LRRD1: variants seen among roughly 807,000 people sequenced by gnomAD.
LRRD1 encodes leucine-rich repeat and death domain-containing protein 1.
Under a neutral mutation model 69.5 loss-of-function variants are expected in LRRD1, and 49 were observed. The ratio of observed to expected loss-of-function variants is 0.70; its 90% CI spans 0.56 to 0.89. LRRD1 has a LOEUF of 0.89. Ranked by LOEUF, LRRD1 falls within the 40% of genes least tolerant of loss-of-function variation. LRRD1 has a pLI of 0.00. For missense variants in LRRD1, 853 were observed against 956.0 expected, an observed-to-expected ratio of 0.89 and a Z score of 1.42; for synonymous variants, 303 against 338.9, an observed-to-expected ratio of 0.89 and a Z score of 1.16.
chr7:92,142,653 A>C, downstream of LRRD1: 1 of 408,950 alleles, frequency 2.4e-6, no homozygotes, highest in South Asian at 1.8e-5. Context: ...GTTCCTTCTG[A>C]TGTTCGGATG....
In LRRD1 at chr7:92,163,474, TAC is replaced by T; in HGVS notation, c.1727_1728del (p.Cys576TyrfsTer9). On this transcript the variant is annotated frameshift_variant, in exon 2 of 6. Transcript: ENST00000458448. LOFTEE classifies it high-confidence loss of function. ...TCAAGTACTTGCAAATTTTCTAAAG[TAC>T]ACAATTCTCTAGGGAAAGTTTCAAA... Reference protein sequence around the residue: ...NKFETFPRELCTLENLQVLDL... With the variant: ...NKFETFPRELXTLENLQVLDL... The T allele has an allele frequency of 6.5e-7, 1 of 1,537,426 alleles. No individual in the cohort carries two copies. Among genetic ancestry groups the T allele is most frequent in the Non-Finnish European group, 8.8e-7 (1 of 1,141,852 alleles).
At chr7:92,153,758 G>A (rs1340992144) in intron 3 of LRRD1, among the ~76,000 whole-genome samples, 1 of 151,580 alleles carries the variant, frequency 6.6e-6, no homozygotes, top group Non-Finnish European at 1.5e-5. Flanking sequence ...AGAGGCAGAA[G>A]CTGCAGTGAG....
At chr7:92,172,836 A>T (rs966168867) in intron 1 of LRRD1, among the ~76,000 whole-genome samples, 2 of 152,186 alleles carry the variant, frequency 1.3e-5, no homozygotes, top group Non-Finnish European at 2.9e-5. Flanking sequence ...AAGGAAAAAA[A>T]AATCCAATCC....
chr7:92,149,306 A>T (rs563593154), intron 4 of LRRD1, among the ~76,000 whole-genome samples: 1 of 152,366 alleles, frequency 6.6e-6, no homozygotes, highest in East Asian at 1.9e-4. Context: ...TGATAGAATG[A>T]TCTGAAGGGA....
intron 1 of LRRD1, among the ~76,000 whole-genome samples, chr7:92,168,033 A>G (rs1788959937): frequency 6.6e-6 from 1 of 152,020 alleles, no homozygotes; most frequent in Non-Finnish European, 1.5e-5. Context: ...CCTCCCACCA[A>G]CAGAAGCCAA....
intron 4 of LRRD1, chr7:92,150,029 C>A: frequency 2.6e-6 from 1 of 381,842 alleles, no homozygotes; most frequent in Non-Finnish European, 5.4e-6. Context: ...TTCAGTGCCT[C>A]AATTTGTGTG....
intron 4 of LRRD1, among the ~76,000 whole-genome samples, chr7:92,148,816 C>T (rs905812170): frequency 9.9e-5 from 15 of 151,754 alleles, no homozygotes; most frequent in South Asian, 4.2e-4. Flanking sequence ...GGTGTGATCT[C>T]GGCTCACTGC....
intron 5 of LRRD1, 66 bp from the exon 6 acceptor site, chr7:92,145,140 T>TGACAATTCA: frequency 9.4e-6 from 8 of 848,878 alleles, no homozygotes; most frequent in Non-Finnish European, 1.3e-5. Context: ...TTTAAATTAC[T>TGACAATTCA]GATAATTATC....
At chr7:92,150,398 G>C in intron 4 of LRRD1, 136 bp downstream of exon 4, 20 of 672,724 alleles carry the variant, frequency 3.0e-5, no homozygotes, top group Non-Finnish European at 4.0e-5. Context: ...CCAGGAGTCC[G>C]AGGCTGCAGT....
rs773405791 is a variant in LRRD1 at position 92,163,459 on chromosome 7, G to A, written c.1744C>T (p.Gln582Ter). 3.9e-6 allele frequency: 6 copies of A among 1,541,398 alleles called. No homozygotes were observed. The highest frequency in any genetic ancestry group is 5.2e-6 in the Non-Finnish European group (6 of 1,143,604). Residue 582 changes from glutamine to a stop codon, truncating the protein, a stop_gained, in exon 2 of 6, where the codon CAA (glutamine) becomes TAA (stop). Coordinates refer to ENST00000458448, the MANE Select transcript of LRRD1 (RefSeq NM_001161528.2). LOFTEE classifies it high-confidence loss of function. ...TGGTTTTCCGAAAGATCAAGTACTT[G>A]CAAATTTTCTAAAGTACACAATTCT... Reference protein sequence around the residue: ...PRELCTLENLQVLDLSENQLQ... With the variant: ...PRELCTLENL
At chr7:92,170,770 A>C (rs1789040485) in intron 1 of LRRD1, among the ~76,000 whole-genome samples, 1 of 152,254 alleles carries the variant, frequency 6.6e-6, no homozygotes, top group Admixed American at 6.5e-5. Context: ...CACTTGGGAC[A>C]TCCCACAGAA....
intron 2 of LRRD1, among the ~76,000 whole-genome samples, chr7:92,160,354 A>G (rs1788770807): frequency 6.6e-6 from 1 of 152,164 alleles, no homozygotes; most frequent in Admixed American, 6.5e-5. Flanking sequence ...TATTTTAGGG[A>G]ACAGAATATA....
At chr7:92,158,895 A>T in intron 3 of LRRD1, 110 bp downstream of exon 3, 1 of 818,138 alleles carries the variant, frequency 1.2e-6, no homozygotes, top group Non-Finnish European at 1.9e-6. Context: ...ATGGTGACTT[A>T]ATACCTTATG....
At position 92,159,073 on chromosome 7, in the gene LRRD1, T is replaced by C. The variant is rs1217843564; in HGVS notation, c.2048A>G (p.Asn683Ser). 4.5e-6 allele frequency: 7 copies of C among 1,547,706 alleles called. No homozygotes were observed. The highest frequency in any genetic ancestry group is 6.1e-6 in the Non-Finnish European group (7 of 1,145,868). ...LRNLVSLHAY[N>S]NQISYLPPSL... is the part of the protein sequence containing the mutation. ...TGGTGGAAGATAACTTATTTGATTA[T>C]TGTATGCATGTAAACTAACCAAATT... is the stretch of plus-strand genomic sequence containing the variant. The change falls in exon 3 of 6, where the codon AAT becomes AGT. Residue 683 changes from asparagine to serine, a missense_variant. Physicochemically the swap from Asn to Ser is conservative, Grantham distance 46. This residue lies in a region of LRRD1 where 739 missense variants were observed against 808.0 expected (regional missense o/e 0.91). Transcript: ENST00000458448.
rs757548992 is a variant in LRRD1, at chr7:92,150,547, T to C, written c.2265A>G (p.Ala755=). 4 of 1,544,508 alleles carry C rather than the reference T, an allele frequency of 2.6e-6. No homozygotes were observed. Among genetic ancestry groups the C allele is most frequent in the Non-Finnish European group, 3.5e-6 (4 of 1,143,714 alleles). ...LYTIARYLQR[A]DERDEKILEK... ...CTCATCACCTACCATCTCTTTCATC[T>C]GCCCTCTGTAGATAGCGTGCAATAG... Residue 755 remains alanine (A), a synonymous_variant, in exon 4 of 6, where the codon GCA becomes GCG. Transcript: ENST00000458448.
intron 1 of LRRD1, among the ~76,000 whole-genome samples, chr7:92,166,564 A>G (rs1193399721): frequency 1.3e-5 from 2 of 152,264 alleles, no homozygotes; most frequent in African/African-American, 4.8e-5. Flanking sequence ...TTATAAAGCC[A>G]TCAATATATA....
In LRRD1 at chr7:92,171,386, A is replaced by G. The variant is rs77572602; in HGVS notation, c.-74-6110T>C. Among the ~76,000 whole-genome samples, 54 of 152,292 alleles carry G rather than the reference A, an allele frequency of 3.5e-4. No individual in the cohort carries two copies. The East Asian group carries it at 9.4e-3, about 27-fold the overall frequency. ...TAAATACAAAGAATCATTAGAGACT[A>G]TTAAGAACAACAATACATCAACAAA... On this transcript the variant is annotated intron_variant, in intron 1 of 5. Coordinates refer to ENST00000458448, the MANE Select transcript of LRRD1 (RefSeq NM_001161528.2).
rs895531171 is a variant in LRRD1 at position 92,164,943 on chromosome 7, A to T, written c.260T>A (p.Phe87Tyr). 6.4e-7 allele frequency: 1 copy of T among 1,551,338 alleles called. No individual in the cohort carries two copies. Among genetic ancestry groups the T allele is most frequent in the African/African-American group, 1.4e-5 (1 of 73,044 alleles). Residue 87 changes from phenylalanine (F) to tyrosine (Y), a missense_variant, in exon 2 of 6, where the codon TTT (phenylalanine) becomes TAT (tyrosine). Physicochemically the swap from Phe to Tyr is conservative, Grantham distance 22. Transcript: ENST00000458448. ...TCCTGTTCTAGTGCTTGTTTCAGAA[A>T]ATTGAAGATTTTTCTTTTGTTCTTC... Reference protein sequence around the residue: ...RNEEQKKNLQFSETSTRTGTS... With the variant: ...RNEEQKKNLQYSETSTRTGTS...
intron 3 of LRRD1, among the ~76,000 whole-genome samples, chr7:92,152,195 A>G (rs956266012): frequency 7.0e-6 from 1 of 143,710 alleles, no homozygotes; most frequent in Non-Finnish European, 1.5e-5. Context: ...ATAAACCTAG[A>G]ATTTTATATA....
Sources: gnomAD v4.1 joint callset for allele counts (sites outside exome capture counted in the v4.1 genomes callset) on GRCh38, gnomAD v4.1.1 for gene constraint, gnomAD v4.1.1 regional missense constraint, MANE v1.5 for transcripts, NCBI Gene and HGNC (gene_info 2026-07-23, HGNC 2026-07-21) for gene names.